The following PRAG1 variants were observed in gnomAD, a reference collection of about 807,000 sequenced individuals.
PRAG1 encodes PEAK1 related, kinase-activating pseudokinase 1.
In PRAG1, 110 loss-of-function variants were observed where a neutral mutation model predicts 95.6. The observed-to-expected ratio is 1.15, with a 90% confidence interval of 0.99 to 1.35. The LOEUF (loss-of-function observed/expected upper bound fraction) is 1.35. Ranked by LOEUF, PRAG1 falls within the 40% of genes most tolerant of loss-of-function variation. The probability of loss-of-function intolerance (pLI) is 0.00; values close to 1 mark genes in which losing one functional copy is unlikely to be tolerated. For missense variants in PRAG1, 2,554 were observed against 1,864.7 expected (o/e 1.37, Z -6.81); for synonymous variants, 1,052 against 819.4 (o/e 1.28, Z -4.85).
chr8:8,362,197 A>G (rs1799865220), intron 3 of PRAG1, among the ~76,000 whole-genome samples: 3 of 152,178 alleles, frequency 2.0e-5, no homozygotes, highest in Admixed American at 2.0e-4. Context: ...GCTGATATAA[A>G]CCCACGTCAG....
At chr8:8,350,985 C>G (rs951072825) in intron 3 of PRAG1, among the ~76,000 whole-genome samples, 1 of 152,100 alleles carries the variant, frequency 6.6e-6, no homozygotes, top group Non-Finnish European at 1.5e-5. Flanking sequence ...GATGGATAAA[C>G]AGGCAAACAG....
chr8:8,354,322 A>G (rs1799620432), intron 3 of PRAG1, among the ~76,000 whole-genome samples: 1 of 152,120 alleles, frequency 6.6e-6, no homozygotes, highest in African/African-American at 2.4e-5. Flanking sequence ...ATGGCTTCAC[A>G]GCTGAATTCT....
In PRAG1 at chr8:8,345,727, G is replaced by A. The variant is rs7831804; in HGVS notation, c.2163-6092C>T. ...GGAGAATCGCTCAAACCCGGGAGGC[G>A]GAGGTTGCAGTGAGCTGAGATGGCA... On this transcript the variant is annotated intron_variant, in intron 3 of 5. Transcript: ENST00000615670. 8.0e-3 allele frequency among the ~76,000 whole-genome samples: 1,221 copies of A among 152,204 alleles called. 15 individuals are homozygous for A. The highest frequency in any genetic ancestry group is 0.028 in the African/African-American group (1,156 of 41,516).
At chr8:8,364,652 C>A (rs116103868) in intron 3 of PRAG1, among the ~76,000 whole-genome samples, 1 of 151,438 alleles carries the variant, frequency 6.6e-6, no homozygotes, top group Non-Finnish European at 1.5e-5. Flanking sequence ...CACTATATGG[C>A]AGGATTTCAA....
Position 8,376,972 on chromosome 8 carries a change from G to A in PRAG1, c.1437C>T (p.Ala479=), listed in dbSNP as rs772393002. The change falls in exon 3 of 6, where the codon GCC becomes GCT. Residue 479 remains alanine (A), a synonymous_variant. Coordinates refer to ENST00000615670, the MANE Select transcript of PRAG1 (RefSeq NM_001080826.3). ...TCGTCCGATGGTCCTCTTCCGGGTG[G>A]GCCGCCATGACTGTGATGGTGGCTG... The part of the protein sequence containing the change: ...QVSATITVMA[A]HPEEDHRTIY... 6.2e-6 allele frequency: 10 copies of A among 1,613,424 alleles called. No homozygotes were observed. Among genetic ancestry groups the A allele is most frequent in the Middle Eastern group, 1.6e-4 (1 of 6,084 alleles).
rs370347554 is a variant in PRAG1, at chr8:8,377,895, C to T, written c.514G>A (p.Glu172Lys). 5.0e-6 allele frequency: 8 copies of T among 1,613,990 alleles called. No homozygotes were observed. The highest frequency in any genetic ancestry group is 4.5e-5 in the East Asian group (2 of 44,878). ...ACCGGGTGGAAGGCAATGTTCCTCT[C>T]GCCGCGGGGCTCAAGGTTGTGCAGG... The part of the protein sequence containing the change: ...VGLHNLEPRG[E>K]RNIAFHPVSF... Residue 172 changes from glutamate (E) to lysine (K), a missense_variant, in exon 3 of 6, where the codon GAG (glutamate) becomes AAG (lysine). Physicochemically the swap from Glu to Lys is moderately conservative, Grantham distance 56. Coordinates refer to ENST00000615670, the MANE Select transcript of PRAG1 (RefSeq NM_001080826.3).
chr8:8,329,317 C>T (rs758782824), intron 4 of PRAG1, among the ~76,000 whole-genome samples: 30 of 151,848 alleles, frequency 2.0e-4, no homozygotes, highest in Non-Finnish European at 3.8e-4. Flanking sequence ...CGCTTGAGCC[C>T]GGGAGATGGA....
chr8:8,332,615 G>C (rs1263069150), intron 4 of PRAG1, among the ~76,000 whole-genome samples: 3 of 151,764 alleles, frequency 2.0e-5, no homozygotes, highest in South Asian at 2.1e-4. Flanking sequence ...TTCACTCTTG[G>C]AGCCCCCACC....
chr8:8,344,739 G>T (rs750384078), intron 3 of PRAG1, among the ~76,000 whole-genome samples: 2 of 152,142 alleles, frequency 1.3e-5, no homozygotes, highest in Non-Finnish European at 2.9e-5. Context: ...AATGAGGCAG[G>T]GGGTGGCTGC....
chr8:8,377,102 G>T lies in PRAG1; in HGVS notation c.1307C>A (p.Ala436Glu). 1 of 1,613,552 alleles carries T rather than the reference G, an allele frequency of 6.2e-7. No homozygotes were observed. Among genetic ancestry groups the T allele is most frequent in the Non-Finnish European group, 8.5e-7 (1 of 1,180,018 alleles). ...CTGGCCTTGGCCCTGGGCAGCAGCT[G>T]CATGTTCTATCTTGGCCTGTGACTT... is the stretch of plus-strand genomic sequence containing the variant. ...PSKSQAKIEH[A>E]AAAQGQGQVC... The change falls in exon 3 of 6, where the codon GCA becomes GAA. Residue 436 changes from alanine to glutamate, a missense_variant. Ala to Glu is a moderately radical substitution (Grantham distance 107, BLOSUM62 -1). Coordinates refer to ENST00000615670, the MANE Select transcript of PRAG1 (RefSeq NM_001080826.3).
intron 4 of PRAG1, among the ~76,000 whole-genome samples, chr8:8,338,345 G>A (rs1270241969): frequency 2.0e-5 from 3 of 152,230 alleles, no homozygotes; most frequent in African/African-American, 7.2e-5. Flanking sequence ...GTTGGTGACT[G>A]ATGGTTCATT....
At chr8:8,338,332 C>T (rs911348260) in intron 4 of PRAG1, among the ~76,000 whole-genome samples, 2 of 152,224 alleles carry the variant, frequency 1.3e-5, no homozygotes, top group African/African-American at 4.8e-5. Flanking sequence ...CTGACACCCG[C>T]TGGTTGGTGA....
intron 3 of PRAG1, chr8:8,374,837 A>C (rs1296069784): frequency 1.2e-5 from 3 of 253,192 alleles, no homozygotes; most frequent in Non-Finnish European, 1.9e-5. Flanking sequence ...GTGATGTTCA[A>C]AGTCAAGCGT....
intron 5 of PRAG1, 144 bp downstream of exon 5, chr8:8,327,566 A>C (rs180825252): frequency 3.0e-6 from 3 of 987,804 alleles, no homozygotes; most frequent in Admixed American, 5.9e-5. Context: ...TGAGACTCTT[A>C]TCTTACAAGA....
At chr8:8,319,397 C>G (rs1224984519) in intron 5 of PRAG1, 95 bp from the exon 6 acceptor site, 3 of 1,057,380 alleles carry the variant, frequency 2.8e-6, no homozygotes, top group Non-Finnish European at 2.6e-6. Context: ...TGCAATAAGC[C>G]TATCCACATA....
chr8:8,328,110 TG>T lies in PRAG1; in HGVS notation c.2671del (p.His891ThrfsTer33). 1.2e-6 allele frequency: 2 copies of T among 1,612,990 alleles called. No individual in the cohort carries two copies. The highest frequency in any genetic ancestry group is 1.7e-6 in the Non-Finnish European group (2 of 1,178,990). ...CGCCAGCCCTGCTGCCGGAAGCCAG[TG>T]GCCACTGCCTTTGAAAGCTTTCTCC... ...PLEKAFKGSG[H>X]WLPAAGLAGN... On this transcript the variant is annotated frameshift_variant, in exon 5 of 6. Coordinates refer to ENST00000615670, the MANE Select transcript of PRAG1 (RefSeq NM_001080826.3). LOFTEE classifies it high-confidence loss of function.
intron 5 of PRAG1, among the ~76,000 whole-genome samples, chr8:8,319,908 C>T (rs2117095051): frequency 6.6e-6 from 1 of 152,354 alleles, no homozygotes; most frequent in African/African-American, 2.4e-5. Context: ...AGTTCACGCC[C>T]ACTAGAATGG....
chr8:8,383,063 G>A (rs1168801289), intron 1 of PRAG1, among the ~76,000 whole-genome samples: 1 of 152,168 alleles, frequency 6.6e-6, no homozygotes, highest in East Asian at 1.9e-4. Context: ...TTTGCCTTAG[G>A]GTTTTCTCTC....
intron 5 of PRAG1, among the ~76,000 whole-genome samples, chr8:8,319,804 C>T (rs539867975): frequency 2.4e-4 from 37 of 152,172 alleles, no homozygotes; most frequent in African/African-American, 8.7e-4. Context: ...AGGTAATTCA[C>T]CAAAAAAATT....
Sources: allele counts gnomAD v4.1 joint callset (sites outside exome capture counted in the v4.1 genomes callset), GRCh38; gene constraint gnomAD v4.1.1; transcripts MANE v1.5; gene names NCBI Gene and HGNC (gene_info 2026-07-23, HGNC 2026-07-21).